Variants in VSTM4 observed in about 807,000 individuals in gnomAD.
VSTM4 encodes the protein V-set and transmembrane domain containing 4.
A neutral mutation model predicts 36.4 loss-of-function variants in VSTM4; 20 were observed. The observed-to-expected ratio is 0.55, with a 90% confidence interval of 0.39 to 0.80. VSTM4 has a LOEUF of 0.80. VSTM4 is among the 30% of genes least tolerant of loss of function. VSTM4 has a pLI of 0.00. For missense variants in VSTM4, 392 were observed against 404.5 expected (o/e 0.97, Z 0.26); for synonymous variants, 182 against 173.9 (o/e 1.05, Z -0.37).
Position 49,048,544 on chromosome 10 carries a change from G to C in VSTM4, c.709C>G (p.Leu237Val). Residue 237 changes from leucine (L) to valine (V), a missense_variant, in exon 6 of 8, where the codon CTA becomes GTA. By Grantham distance (32) the Leu-to-Val change is conservative. Coordinates refer to ENST00000332853, the MANE Select transcript of VSTM4 (RefSeq NM_001031746.5). Reference sequence around the variant, plus strand: ...TGCCTCTTGCCCTTCTTGGGCTGTAGTGGGGCCAAGCTGGTCACGCTAGTG... The same window carrying C: ...TGCCTCTTGCCCTTCTTGGGCTGTACTGGGGCCAAGCTGGTCACGCTAGTG... ...TVTSVTSLAP[L>V]QPKKGKRQKE... The C allele has an allele frequency of 6.3e-7, 1 of 1,597,764 alleles. No individual in the cohort carries two copies. Among genetic ancestry groups the C allele is most frequent in the Non-Finnish European group, 8.5e-7 (1 of 1,173,970 alleles).
chr10:49,088,626 A>G (rs1456554573), intron 2 of VSTM4, among the ~76,000 whole-genome samples: 1 of 152,248 alleles, frequency 6.6e-6, no homozygotes, highest in Non-Finnish European at 1.5e-5. Flanking sequence ...GGAAGATGAG[A>G]GGCCAAAGCT....
chr10:49,032,862 G>C (rs78838278), intron 7 of VSTM4, among the ~76,000 whole-genome samples: 4 of 150,762 alleles, frequency 2.7e-5, no homozygotes, highest in African/African-American at 7.3e-5. Flanking sequence ...AATAGAGAGA[G>C]AGAGAAAGAC....
rs548301490 is a variant in VSTM4, at chr10:49,085,773, G to A, written c.526+182C>T. Among the ~76,000 whole-genome samples, 5 of 152,206 alleles carry A rather than the reference G, an allele frequency of 3.3e-5. No homozygotes were observed. The South Asian group carries it at 1.0e-3, about 32-fold the overall frequency. On this transcript the variant is annotated intron_variant, in intron 3 of 7. Transcript: ENST00000332853. ...GGGAAAGGGGGAGGGATGGCATTAG[G>A]AGATATACCTAATGTAAATGACGAG...
intron 7 of VSTM4, among the ~76,000 whole-genome samples, chr10:49,045,821 C>T (rs1564572103): frequency 6.6e-6 from 1 of 152,166 alleles, no homozygotes; most frequent in Non-Finnish European, 1.5e-5. Context: ...AAGGGAGTTC[C>T]ACCTCTGTGC....
intron 5 of VSTM4, 73 bp downstream of exon 5, chr10:49,064,630 A>T (rs1843939689): frequency 1.3e-6 from 2 of 1,514,596 alleles, no homozygotes; most frequent in East Asian, 4.5e-5. Flanking sequence ...AATTTAATCA[A>T]TTTATTGGTA....
chr10:49,070,804 G>A (rs999139343), intron 4 of VSTM4, among the ~76,000 whole-genome samples: 1 of 152,156 alleles, frequency 6.6e-6, no homozygotes, highest in African/African-American at 2.4e-5. Flanking sequence ...TGAGCCTCCC[G>A]GCACCCACTG....
At position 49,016,115 on chromosome 10, in the gene VSTM4, G is replaced by A. The variant is rs1843101943; in HGVS notation, c.*3535C>T. ...TTGGGCACCCTGGGTACTGATATCA[G>A]TATTTTGTTTGTTTGTTTGTTTGTT... On this transcript the variant is annotated 3_prime_UTR_variant, in exon 8 of 8. Transcript: ENST00000332853. 2.0e-5 allele frequency: 1 copy of A among 49,000 alleles called. No individual in the cohort carries two copies. The highest frequency in any genetic ancestry group is 5.1e-5 in the Non-Finnish European group (1 of 19,772). The allele number at this position is 49,000 out of a possible 1,614,324, so 3.0% of individuals were successfully genotyped here.
At chr10:49,023,736 G>A (rs1184251333) in intron 7 of VSTM4, among the ~76,000 whole-genome samples, 3 of 152,158 alleles carry the variant, frequency 2.0e-5, no homozygotes, top group African/African-American at 4.8e-5. Flanking sequence ...CCTGATAGAC[G>A]CTGGCTTCAA....
chr10:49,093,914 A>AT (rs1844524293), intron 2 of VSTM4, among the ~76,000 whole-genome samples: 3 of 151,596 alleles, frequency 2.0e-5, no homozygotes, highest in Admixed American at 2.0e-4. Context: ...CGCCCAGCTA[A>AT]TTTTTTGTAT....
chr10:49,046,905 T>A (rs1485298555), intron 7 of VSTM4, 78 bp downstream of exon 7: 5 of 1,397,760 alleles, frequency 3.6e-6, no homozygotes, highest in South Asian at 1.2e-5. Flanking sequence ...TGTTTTGAGT[T>A]AATAAAGGCA....
intron 5 of VSTM4, among the ~76,000 whole-genome samples, chr10:49,062,371 T>C (rs1288439247): frequency 6.6e-6 from 1 of 152,140 alleles, no homozygotes; most frequent in Non-Finnish European, 1.5e-5. Flanking sequence ...AGTGACAATC[T>C]CTTTTAGCTT....
In VSTM4 at chr10:49,085,937, G is replaced by T. The variant is rs369685389; in HGVS notation, c.526+18C>A. 6.6e-7 allele frequency: 1 copy of T among 1,510,830 alleles called. No homozygotes were observed. The highest frequency in any genetic ancestry group is 2.3e-5 in the East Asian group (1 of 43,880). The allele number at this position is 1,510,830 out of a possible 1,614,324, so 93.6% of individuals were successfully genotyped here. ...AGCAACTATAGAGCAATAAAAAAAA[G>T]AAATATACAAGCTTTACCTTCAAAA... is the stretch of plus-strand genomic sequence containing the variant. On this transcript the variant is annotated intron_variant, in intron 3 of 7. Coordinates refer to ENST00000332853, the MANE Select transcript of VSTM4 (RefSeq NM_001031746.5).
At chr10:49,027,656 T>C (rs1843284187) in intron 7 of VSTM4, among the ~76,000 whole-genome samples, 1 of 152,176 alleles carries the variant, frequency 6.6e-6, no homozygotes, top group South Asian at 2.1e-4. Context: ...TGCCACTATG[T>C]TTTGTCTCTT....
At chr10:49,049,113 G>T (rs766802152) in intron 5 of VSTM4, among the ~76,000 whole-genome samples, 21 of 152,162 alleles carry the variant, frequency 1.4e-4, no homozygotes, top group Non-Finnish European at 2.4e-4. Flanking sequence ...TGTGTCTGGG[G>T]TCCCCTGTGA....
intron 4 of VSTM4, 85 bp downstream of exon 4, chr10:49,077,134 A>G: frequency 7.3e-7 from 1 of 1,364,284 alleles, no homozygotes; most frequent in South Asian, 1.2e-5. Context: ...CTTTTCCACC[A>G]AGGTGGTACT....
At chr10:49,074,655 G>T (rs1844142483) in intron 4 of VSTM4, among the ~76,000 whole-genome samples, 1 of 152,186 alleles carries the variant, frequency 6.6e-6, no homozygotes. Context: ...GGCAAGACCT[G>T]CCCTGCCAAT....
At chr10:49,041,627 T>C (rs1843523106) in intron 7 of VSTM4, among the ~76,000 whole-genome samples, 2 of 152,234 alleles carry the variant, frequency 1.3e-5, no homozygotes, top group Admixed American at 1.3e-4. Context: ...GATAGCATTT[T>C]GCACCCAAGA....
chr10:49,105,100 GGAGA>G (rs1202172536), intron 2 of VSTM4, among the ~76,000 whole-genome samples: 2 of 135,716 alleles, frequency 1.5e-5, no homozygotes, highest in East Asian at 4.6e-4. Flanking sequence ...AGACACAGAG[GGAGA>G]GAGAGACAGA....
At chr10:49,092,395 A>T (rs938183314) in intron 2 of VSTM4, among the ~76,000 whole-genome samples, 1 of 152,188 alleles carries the variant, frequency 6.6e-6, no homozygotes. Context: ...GTGAGAAACC[A>T]GGCCCTGGGC....
Sources: gnomAD v4.1 joint callset for allele counts (sites outside exome capture counted in the v4.1 genomes callset) on GRCh38, gnomAD v4.1.1 for gene constraint, MANE v1.5 for transcripts, NCBI Gene and HGNC (gene_info 2026-07-23, HGNC 2026-07-21) for gene names.